Variants in VMA12 observed in about 807,000 individuals in gnomAD.
VMA12 encodes the protein vacuolar ATPase assembly protein VMA12.
the VMA12 span, chr17:28,361,329 C>A: frequency 1.4e-6 from 2 of 1,422,480 alleles, no homozygotes; most frequent in Non-Finnish European, 2.0e-6. Context: ...CTCAGTCAAC[C>A]CATCAGACTT....
At chr17:28,359,132 C>T in the VMA12 span, 1 of 968,542 alleles carries the variant, frequency 1.0e-6, no homozygotes, top group African/African-American at 1.7e-5. Context: ...ATTGTCCTCC[C>T]CATCAGCTGT....
At chr17:28,363,092 T>C in the VMA12 span, 6 of 152,352 alleles carry the variant, frequency 3.9e-5, no homozygotes, top group African/African-American at 1.2e-4. Context: ...TTATTTCTTA[T>C]ACCCCAAACA....
chr17:28,360,106 T>A, the VMA12 span: 12 of 166,744 alleles, frequency 7.2e-5, no homozygotes, highest in African/African-American at 2.9e-4. Flanking sequence ...TAGCTGGGAT[T>A]ACAGGCATGC....
the VMA12 span, chr17:28,359,574 C>G: frequency 1.8e-6 from 1 of 566,370 alleles, no homozygotes; most frequent in Non-Finnish European, 3.0e-6. Flanking sequence ...TTCACTGAGA[C>G]TCTGGGCTGA....
chr17:28,360,811 C>G, the VMA12 span: 3 of 1,614,006 alleles, frequency 1.9e-6, no homozygotes, highest in South Asian at 1.1e-5. Flanking sequence ...TCTGCACTTA[C>G]CTTGGAAGCC....
chr17:28,359,461 A>C, the VMA12 span: 7 of 1,517,378 alleles, frequency 4.6e-6, no homozygotes, highest in African/African-American at 9.6e-5. Context: ...AGGGCCCTGC[A>C]GTGGAAGAAG....
chr17:28,360,226 CT>C, the VMA12 span: 46 of 264,716 alleles, frequency 1.7e-4, no homozygotes, highest in African/African-American at 9.7e-4. Context: ...TCCCAAAGTG[CT>C]GGGATTACAA....
the VMA12 span, chr17:28,360,431 G>A: frequency 1.8e-6 from 2 of 1,100,328 alleles, no homozygotes; most frequent in Non-Finnish European, 1.3e-6. Flanking sequence ...GGAGGGCAGA[G>A]TTAATATGTT....
chr17:28,360,699 T>G, the VMA12 span: 1 of 1,609,928 alleles, frequency 6.2e-7, no homozygotes, highest in Non-Finnish European at 8.5e-7. Context: ...TAGAGAATGT[T>G]GAACTAAAGG....
At chr17:28,360,778 T>C in the VMA12 span, 8 of 1,614,026 alleles carry the variant, frequency 5.0e-6, no homozygotes, top group African/African-American at 9.3e-5. Flanking sequence ...TCAATTTCAT[T>C]GTCACGGTGG....
the VMA12 span, chr17:28,360,916 G>A: frequency 7.4e-7 from 1 of 1,351,226 alleles, no homozygotes; most frequent in Admixed American, 1.7e-5. Flanking sequence ...GGACGTATGT[G>A]AAAGTGCCTT....
At chr17:28,362,023 C>T in the VMA12 span, 2 of 152,170 alleles carry the variant, frequency 1.3e-5, no homozygotes, top group African/African-American at 2.4e-5. Flanking sequence ...AAAAGGGTAT[C>T]AGGCTTAGTT....
chr17:28,361,170 C>T, the VMA12 span: 1 of 1,614,126 alleles, frequency 6.2e-7, no homozygotes, highest in Non-Finnish European at 8.5e-7. Context: ...GTGCTAGCTG[C>T]ATTGATCGTC....
the VMA12 span, chr17:28,363,036 G>A: frequency 6.6e-6 from 1 of 152,206 alleles, no homozygotes; most frequent in Non-Finnish European, 1.5e-5. Context: ...AGCGTTTACT[G>A]AGTTTTTACG....
the VMA12 span, chr17:28,358,872 C>T: frequency 1.6e-5 from 24 of 1,544,302 alleles, no homozygotes; most frequent in East Asian, 3.6e-4. Flanking sequence ...ACCCTTCAAC[C>T]TCAGCTCGTG....
At chr17:28,360,507 A>C in the VMA12 span, 1 of 1,613,470 alleles carries the variant, frequency 6.2e-7, no homozygotes. Context: ...ATTCTGAATC[A>C]TCTTCTTTTT....
chr17:28,361,216 G>A, the VMA12 span: 1 of 1,614,150 alleles, frequency 6.2e-7, no homozygotes, highest in Non-Finnish European at 8.5e-7. Context: ...TGTATGTCAT[G>A]GTGCGGGCAA....
chr17:28,359,635 G>GT, the VMA12 span: 14 of 248,484 alleles, frequency 5.6e-5, no homozygotes, highest in Middle Eastern at 2.7e-3. Context: ...GCCGGGCACG[G>GT]CGCTCATGCC....
At chr17:28,359,194 AC>A in the VMA12 span, 1 of 1,090,134 alleles carries the variant, frequency 9.2e-7, no homozygotes, top group Non-Finnish European at 1.3e-6. Context: ...CACTGGAGTT[AC>A]GACTAGTATG....
Sources: allele counts gnomAD v4.1 joint callset, GRCh38; gene constraint gnomAD v4.1.1; transcripts MANE v1.5; gene names NCBI Gene and HGNC (gene_info 2026-07-23, HGNC 2026-07-21).